PYY: variants seen among roughly 807,000 people sequenced by gnomAD.
PYY encodes the protein peptide tyrosine tyrosine.
PYY carries 12 observed loss-of-function variants against 10.3 expected under a neutral mutation model. The ratio of observed to expected loss-of-function variants is 1.17; its 90% CI spans 0.75 to 1.89. PYY has a LOEUF of 1.89. PYY is among the 40% of genes most tolerant of loss of function. The probability of loss-of-function intolerance (pLI) is 0.00; values close to 1 mark genes in which losing one functional copy is unlikely to be tolerated. For missense variants in PYY, 141 were observed against 134.0 expected, an observed-to-expected ratio of 1.05 and a Z score of -0.26; for synonymous variants, 66 against 62.0, an observed-to-expected ratio of 1.06 and a Z score of -0.30.
chr17:43,985,397 CG>C (rs1233434181), intron 1 of PYY, among the ~76,000 whole-genome samples: 2 of 152,070 alleles, frequency 1.3e-5, no homozygotes, highest in Non-Finnish European at 2.9e-5. Flanking sequence ...TTTGTAGATA[CG>C]GGGTCTCACT....
intron 1 of PYY, among the ~76,000 whole-genome samples, chr17:43,972,739 A>T (rs1194078610): frequency 6.6e-6 from 1 of 151,138 alleles, no homozygotes; most frequent in Non-Finnish European, 1.5e-5. Flanking sequence ...TTTTTTTGAG[A>T]CAGAGTCTCA....
At position 43,976,396 on chromosome 17, in the gene PYY, CGT is replaced by C. The variant is rs1491163262; in HGVS notation, c.-462-9866_-462-9865del. Among the ~76,000 whole-genome samples the C allele has an allele frequency of 2.3e-4, 34 of 147,022 alleles. No homozygotes were observed. In the South Asian group the frequency reaches 2.6e-3, roughly 11 times the overall value. ...ATATACACATACATGTATACATATACGTATATACATATTCATGTATACATATA... is the reference window on the plus strand; with the variant it reads ...ATATACACATACATGTATACATATACATATACATATTCATGTATACATATA... On this transcript the variant is annotated intron_variant, in intron 1 of 6. Coordinates refer to the PYY transcript ENST00000360085.
rs139275813 is a variant in PYY at position 43,972,645 on chromosome 17, C to T, written c.-462-6113G>A. 1.6e-4 allele frequency among the ~76,000 whole-genome samples: 24 copies of T among 152,250 alleles called. No individual in the cohort carries two copies. The East Asian group carries it at 4.6e-3, about 29-fold the overall frequency. ...GTGAGCTCAAACGATCTTCCCACCT[C>T]AGCCTTCCTAGTTGCTAGGCAAACA... On this transcript the variant is annotated intron_variant, in intron 1 of 6. Transcript: ENST00000360085.
At chr17:43,972,306 C>CA (rs2048800085) in intron 1 of PYY, among the ~76,000 whole-genome samples, 1 of 150,608 alleles carries the variant, frequency 6.6e-6, no homozygotes, top group Non-Finnish European at 1.5e-5. Context: ...CTCCACCTCC[C>CA]AGGTTCAAGT....
intron 1 of PYY, among the ~76,000 whole-genome samples, chr17:43,972,544 T>TA (rs1410391496): frequency 6.6e-6 from 1 of 150,914 alleles, no homozygotes; most frequent in Non-Finnish European, 1.5e-5. Context: ...AAAACATTTT[T>TA]TTTTTTGAGA....
chr17:43,971,483 T>C (rs960655996), intron 1 of PYY, among the ~76,000 whole-genome samples: 1 of 150,910 alleles, frequency 6.6e-6, no homozygotes, highest in Non-Finnish European at 1.5e-5. Flanking sequence ...GGCAAGAGAA[T>C]CACTTGAACC....
chr17:43,976,276 T>TATATGCATATGTATACATGTATAC, intron 1 of PYY, among the ~76,000 whole-genome samples: 1 of 146,252 alleles, frequency 6.8e-6, no homozygotes, highest in Non-Finnish European at 1.5e-5. Flanking sequence ...CATGTACGTA[T>TATATGCATATGTATACATGTATAC]ATATACGCAT....
chr17:43,964,648 G>A (rs2048742072), intron 2 of PYY, among the ~76,000 whole-genome samples: 1 of 152,168 alleles, frequency 6.6e-6, no homozygotes, highest in South Asian at 2.1e-4. Context: ...TACTTGAGAG[G>A]ATGAGGCAGG....
chr17:43,969,749 C>CT (rs71361553), intron 1 of PYY, among the ~76,000 whole-genome samples: 119,488 of 144,734 alleles, frequency 0.83, 49,553 homozygotes, highest in East Asian at 0.99. Context: ...ACAAAAAAAA[C>CT]TTTTTTTTTT....
chr17:43,962,295 T>C (rs1015928481), intron 2 of PYY, among the ~76,000 whole-genome samples: 3 of 152,156 alleles, frequency 2.0e-5, no homozygotes, highest in Non-Finnish European at 2.9e-5. Context: ...CAAATGGAAA[T>C]GTAAAAATGA....
chr17:43,994,013 C>G (rs2048974404), intron 1 of PYY, among the ~76,000 whole-genome samples: 1 of 152,052 alleles, frequency 6.6e-6, no homozygotes, highest in Non-Finnish European at 1.5e-5. Flanking sequence ...GTTACCAGGC[C>G]TGGCTAATTT....
intron 2 of PYY, among the ~76,000 whole-genome samples, chr17:43,959,556 C>A (rs1226739643): frequency 2.0e-5 from 3 of 152,164 alleles, no homozygotes; most frequent in South Asian, 2.1e-4. Context: ...GTGATGCATG[C>A]CTATAATCCC....
rs1399574012 is a variant in PYY at position 43,953,254 on chromosome 17, A to G, written c.188+42T>C. 2.5e-6 allele frequency: 4 copies of G among 1,596,582 alleles called. No individual in the cohort carries two copies. The Admixed American group carries it at 5.1e-5, about 20-fold the overall frequency. On this transcript the variant is annotated intron_variant, in intron 2 of 3. Transcript: ENST00000692052. ...ACGCCCCCAGGTGGAGCGGGGCCGC[A>G]GGGTGAGAGCCCCAGGGGTCCCGCT...
chr17:43,966,564 G>A (rs1177830490), intron 1 of PYY: 1 of 152,234 alleles, frequency 6.6e-6, no homozygotes. Context: ...TGAAATCGCA[G>A]TTTAGGCAGT....
intron 2 of PYY, among the ~76,000 whole-genome samples, chr17:43,960,514 G>C (rs114481232): frequency 0.05 from 5,914 of 119,254 alleles, 142 homozygotes; most frequent in Middle Eastern, 0.12. Context: ...CCCGAGGGAC[G>C]AGAGTGAGAC....
At chr17:43,976,392 T>C (rs1274740094) in intron 1 of PYY, among the ~76,000 whole-genome samples, 1 of 149,482 alleles carries the variant, frequency 6.7e-6, no homozygotes, top group Admixed American at 6.8e-5. Flanking sequence ...CATGTATACA[T>C]ATACGTATAT....
chr17:43,972,789 T>C (rs2048804011), intron 1 of PYY, among the ~76,000 whole-genome samples: 1 of 152,020 alleles, frequency 6.6e-6, no homozygotes, highest in Non-Finnish European at 1.5e-5. Context: ...TGATCTCGGT[T>C]CACCGCAACC....
chr17:44,001,828 G>A (rs1020633926), intron 1 of PYY, among the ~76,000 whole-genome samples: 3 of 152,210 alleles, frequency 2.0e-5, no homozygotes, highest in African/African-American at 7.2e-5. Context: ...AGAGGACAGA[G>A]ACAAGAAGGA....
intron 2 of PYY, among the ~76,000 whole-genome samples, chr17:43,963,570 A>AAAAGAAAGAAAGAAAAAGAAAGAAAG: frequency 9.6e-6 from 1 of 104,676 alleles, no homozygotes; most frequent in Admixed American, 1.2e-4. Flanking sequence ...GGAAGGAAGG[A>AAAAGAAAGAAAGAAAAAGAAAGAAAG]AAAGAAAGAA....
Sources: gnomAD v4.1 joint callset for allele counts (sites outside exome capture counted in the v4.1 genomes callset) on GRCh38, gnomAD v4.1.1 for gene constraint, MANE v1.5 for transcripts, NCBI Gene and HGNC (gene_info 2026-07-23, HGNC 2026-07-21) for gene names.